CACNB1: variants seen among roughly 807,000 people sequenced by gnomAD.
CACNB1 encodes calcium voltage-gated channel auxiliary subunit beta 1.
A neutral mutation model predicts 71.6 loss-of-function variants in CACNB1; 29 were observed. That is an observed-to-expected ratio of 0.40 (90% CI 0.30 to 0.55). The LOEUF (loss-of-function observed/expected upper bound fraction) is 0.55, where lower values mean the gene tolerates loss of function less well. Among genes scored for constraint, CACNB1 ranks in the 20% least tolerant of loss-of-function variants. CACNB1 has a pLI of 0.38. For synonymous variants in CACNB1, 300 were observed against 319.6 expected, an observed-to-expected ratio of 0.94 and a Z score of 0.65; for missense variants, 623 against 801.8, an observed-to-expected ratio of 0.78 and a Z score of 2.69.
In CACNB1 at chr17:39,194,317, T is replaced by C. The variant is rs1196197729; in HGVS notation, c.171+567A>G. ...GTTACACCCTTTCAGGCAGGGGTGC[T>C]GGGCTATCATCTTCTCTATTATAAA... is the stretch of plus-strand genomic sequence containing the variant. On this transcript the variant is annotated intron_variant, in intron 2 of 13. Coordinates refer to ENST00000394303, the MANE Select transcript of CACNB1 (RefSeq NM_000723.5). This position sits in a 1 kb window ranked among gnomAD's most constrained non-coding sequence, Gnocchi z 4.6. Among the ~76,000 whole-genome samples, 1 of 152,254 alleles carries C rather than the reference T, an allele frequency of 6.6e-6. No homozygotes were observed. Among genetic ancestry groups the C allele is most frequent in the African/African-American group, 2.4e-5 (1 of 41,536 alleles).
chr17:39,184,048 T>C lies in CACNB1; in HGVS notation c.881A>G (p.Asn294Ser). Reference protein sequence around the residue: ...PSKHIIIERSNTRSSLAEVQS... With the variant: ...PSKHIIIERSSTRSSLAEVQS... ...AGGCTCACCCAGGCTGGAGCGTGTG[T>C]TGGAGCGCTCAATGATGATGTGTTT... Residue 294 changes from asparagine to serine, a missense_variant, in exon 10 of 14, where the codon AAC becomes AGC. Physicochemically the swap from Asn to Ser is conservative, Grantham distance 46. Transcript: ENST00000394303. 1 of 1,611,832 alleles carries C rather than the reference T, an allele frequency of 6.2e-7. No homozygotes were observed.
intron 11 of CACNB1, among the ~76,000 whole-genome samples, chr17:39,180,952 T>C (rs1297926547): frequency 6.6e-6 from 1 of 152,178 alleles, no homozygotes; most frequent in Non-Finnish European, 1.5e-5. Context: ...TAGTGAATCC[T>C]GGTGAAGAAT....
intron 3 of CACNB1, among the ~76,000 whole-genome samples, chr17:39,191,182 T>C (rs887223141): frequency 6.6e-6 from 1 of 152,038 alleles, no homozygotes; most frequent in Non-Finnish European, 1.5e-5. Flanking sequence ...CCAGCCTGGG[T>C]GACAGAGCAA....
rs2046227541 is a variant in CACNB1, at chr17:39,197,532, A to C, written c.-37T>G. 2 of 1,444,474 alleles carry C rather than the reference A, an allele frequency of 1.4e-6. No individual in the cohort carries two copies. Among genetic ancestry groups the C allele is most frequent in the Admixed American group, 2.6e-5 (1 of 38,406 alleles). 89.5% of individuals were successfully genotyped at this position (1,444,474 alleles called of 1,614,324 possible). ...TCCCCTCCCGCCGCCGGCCCGGCCCAGCCGGGCTCCCTCAGCGCATGGGAG... is the reference window on the plus strand; with the variant it reads ...TCCCCTCCCGCCGCCGGCCCGGCCCCGCCGGGCTCCCTCAGCGCATGGGAG... On this transcript the variant is annotated 5_prime_UTR_variant, in exon 1 of 14. Coordinates refer to ENST00000394303, the MANE Select transcript of CACNB1 (RefSeq NM_000723.5).
intron 2 of CACNB1, chr17:39,191,865 G>A (rs1455909971): frequency 2.2e-6 from 1 of 459,088 alleles, no homozygotes; most frequent in African/African-American, 2.1e-5. Context: ...CCCAGGGAGG[G>A]GTGGGAACCT....
chr17:39,187,816 C>T (rs918220845), intron 3 of CACNB1, among the ~76,000 whole-genome samples: 1 of 152,016 alleles, frequency 6.6e-6, no homozygotes, highest in African/African-American at 2.4e-5. Flanking sequence ...GAGTCCGAGA[C>T]CAGCCTGAAC....
At chr17:39,193,261 T>C (rs917423360) in intron 2 of CACNB1, 30 of 301,280 alleles carry the variant, frequency 1.0e-4, no homozygotes, top group Non-Finnish European at 1.5e-4. Context: ...GACACACATG[T>C]AGGCATGCGC....
rs1380736612 is a variant in CACNB1, at chr17:39,178,358, T to C, written c.1051-279A>G. ...TTCTCAACTTCTCTAACATTGTTTG[T>C]AGGCCCGCCCACTCTCCTTTTTTTT... is the stretch of plus-strand genomic sequence containing the variant. On this transcript the variant is annotated intron_variant, in intron 11 of 13. Coordinates refer to ENST00000394303, the MANE Select transcript of CACNB1 (RefSeq NM_000723.5). 2.1e-5 allele frequency: 6 copies of C among 288,214 alleles called. No individual in the cohort carries two copies. The East Asian group carries it at 3.4e-4, about 16-fold the overall frequency. 17.9% of individuals were successfully genotyped at this position (288,214 alleles called of 1,614,324 possible).
rs1462050677 is a variant in CACNB1, at chr17:39,175,734, G to A, written c.1333-77C>T. On this transcript the variant is annotated intron_variant, in intron 13 of 13. Transcript: ENST00000394303. The surrounding 1 kb of genome is among the most constrained non-coding windows in gnomAD (Gnocchi z 4.7). ...AAACACAACAAAGCAAGGCAAGTTA[G>A]TGACAGCATTAAGAGGTCCGGCCTG... The A allele has an allele frequency of 4.1e-6, 5 of 1,210,432 alleles. No homozygotes were observed. Among genetic ancestry groups the A allele is most frequent in the Non-Finnish European group, 5.8e-6 (5 of 865,508 alleles). The allele number at this position is 1,210,432 out of a possible 1,614,324, so 75.0% of individuals were successfully genotyped here.
rs765561917 is a variant in CACNB1, at chr17:39,175,361, G to C, written c.1629C>G (p.Ala543=). 4 of 1,613,970 alleles carry C rather than the reference G, an allele frequency of 2.5e-6. No homozygotes were observed. Among genetic ancestry groups the C allele is most frequent in the Non-Finnish European group, 2.5e-6 (3 of 1,180,018 alleles). Residue 543 remains alanine (A), a synonymous_variant, in exon 14 of 14, where the codon GCC becomes GCG. Transcript: ENST00000394303. This position sits in a 1 kb window ranked among gnomAD's most constrained non-coding sequence, Gnocchi z 4.7. ...GDPAGGGTPP[A]RQGSWEDEEE... Reference sequence around the variant, plus strand: ...CCTCGTCCTCCCAGGATCCCTGTCGGGCTGGGGGCGTGCCGCCCCCTGCAG... The same window carrying C: ...CCTCGTCCTCCCAGGATCCCTGTCGCGCTGGGGGCGTGCCGCCCCCTGCAG...
At chr17:39,184,671 C>T in intron 8 of CACNB1, 113 bp downstream of exon 8, 2 of 791,850 alleles carry the variant, frequency 2.5e-6, no homozygotes, top group Non-Finnish European at 4.4e-6. Flanking sequence ...CTCTGAAAGT[C>T]TGTAGCCCTC....
rs2045855625 is a variant in CACNB1, at chr17:39,183,857, C to T, written c.906G>A (p.Val302=). 2.5e-6 allele frequency: 4 copies of T among 1,612,938 alleles called. No homozygotes were observed. The highest frequency in any genetic ancestry group is 3.4e-6 in the Non-Finnish European group (4 of 1,179,290). ...CGAAGATTCGCTCGATTTCACTCTG[C>T]ACCTCAGCTGGGGGCATGGAGTCAT... The part of the protein sequence containing the change: ...RSNTRSSLAE[V]QSEIERIFEL... Residue 302 remains valine (V), a synonymous_variant, in exon 11 of 14, where the codon GTG becomes GTA. Transcript: ENST00000394303.
Position 39,175,602 on chromosome 17 carries a change from G to C in CACNB1, c.1388C>G (p.Ala463Gly). 6.2e-7 allele frequency: 1 copy of C among 1,602,446 alleles called. No homozygotes were observed. Among genetic ancestry groups the C allele is most frequent in the Non-Finnish European group, 8.5e-7 (1 of 1,173,530 alleles). Residue 463 changes from alanine (A) to glycine (G), a missense_variant, in exon 14 of 14, where the codon GCC (alanine) becomes GGC (glycine). Transcript: ENST00000394303. This position sits in a 1 kb window ranked among gnomAD's most constrained non-coding sequence, Gnocchi z 4.7. ...QPLERATGEH[A>G]SMHEYPGELG... is the part of the protein sequence containing the mutation. ...CTCCCCTGGGTACTCGTGCATGCTG[G>C]CGTGCTCCCCGGTGGCCCGTTCCAG...
intron 1 of CACNB1, among the ~76,000 whole-genome samples, chr17:39,196,685 T>C (rs1311882419): frequency 6.6e-6 from 1 of 150,410 alleles, no homozygotes; most frequent in Non-Finnish European, 1.5e-5. Flanking sequence ...AGTGTGCGGG[T>C]GGGGATGGAG....
intron 2 of CACNB1, chr17:39,193,523 C>A (rs775411339): frequency 7.5e-5 from 33 of 439,466 alleles, no homozygotes; most frequent in Non-Finnish European, 1.3e-4. Flanking sequence ...GGGGGTGGCC[C>A]AAACTGCCCG....
At position 39,194,032 on chromosome 17, in the gene CACNB1, T is replaced by C. The variant is rs930508959; in HGVS notation, c.171+852A>G. ...GCCCAAGGTGGAAGGGAGGGGCTCA[T>C]CTCCAGAGGACCCCTCCTCTGTGCT... On this transcript the variant is annotated intron_variant, in intron 2 of 13. Transcript: ENST00000394303. The surrounding 1 kb of genome is among the most constrained non-coding windows in gnomAD (Gnocchi z 4.6). The C allele has an allele frequency of 1.3e-5, 2 of 152,506 alleles. No individual in the cohort carries two copies. Among genetic ancestry groups the C allele is most frequent in the African/African-American group, 4.8e-5 (2 of 41,422 alleles). 9.4% of individuals were successfully genotyped at this position (152,506 alleles called of 1,614,324 possible).
intron 11 of CACNB1, among the ~76,000 whole-genome samples, chr17:39,181,172 C>A (rs1252861350): frequency 1.3e-5 from 2 of 152,108 alleles, no homozygotes; most frequent in African/African-American, 4.8e-5. Context: ...CGGCTCACTG[C>A]AACCTCCGCC....
At position 39,174,747 on chromosome 17, in the gene CACNB1, A is replaced by C; in HGVS notation, c.*446T>G. On this transcript the variant is annotated 3_prime_UTR_variant, in exon 14 of 14. Transcript: ENST00000394303. Reference sequence around the variant, plus strand: ...GGGACCTTGGATCTGGGGTCTGGGGAAGAGAGCCCCCATGGGAAAGAATCT... The same window carrying C: ...GGGACCTTGGATCTGGGGTCTGGGGCAGAGAGCCCCCATGGGAAAGAATCT... 1 of 158,894 alleles carries C rather than the reference A, an allele frequency of 6.3e-6. No homozygotes were observed. Among genetic ancestry groups the C allele is most frequent in the Non-Finnish European group, 1.4e-5 (1 of 72,110 alleles). 9.8% of individuals were successfully genotyped at this position (158,894 alleles called of 1,614,324 possible).
chr17:39,183,941 G>A (rs2045858428), intron 10 of CACNB1, 77 bp from the exon 11 acceptor site: 2 of 1,562,884 alleles, frequency 1.3e-6, no homozygotes, highest in East Asian at 4.5e-5. Flanking sequence ...AACACTTCTG[G>A]AGATGGCCCT....
Sources: allele counts gnomAD v4.1 joint callset (sites outside exome capture counted in the v4.1 genomes callset), GRCh38; gene constraint gnomAD v4.1.1; non-coding constraint Gnocchi (gnomAD v3.1); transcripts MANE v1.5; gene names NCBI Gene and HGNC (gene_info 2026-07-23, HGNC 2026-07-21).